BCKDHB: variants seen among roughly 807,000 people sequenced by gnomAD.
BCKDHB encodes the protein branched chain keto acid dehydrogenase E1 subunit beta.
BCKDHB carries 41 observed loss-of-function variants against 48.5 expected under a neutral mutation model. That is an observed-to-expected ratio of 0.85 (90% CI 0.66 to 1.10). BCKDHB has a LOEUF of 1.10. BCKDHB is among the 50% of genes least tolerant of loss of function. The pLI is 0.00. For synonymous variants in BCKDHB, 201 were observed against 174.8 expected (o/e 1.15, Z -1.18); for missense variants, 496 against 494.2 (o/e 1.00, Z -0.03).
intron 9 of BCKDHB, among the ~76,000 whole-genome samples, chr6:80,288,629 C>A (rs1006855199): frequency 6.6e-6 from 1 of 151,584 alleles, no homozygotes; most frequent in Non-Finnish European, 1.5e-5. Context: ...AGATACCCCT[C>A]CCCTGAGTGA....
At chr6:80,402,507 T>C in the BCKDHB span, among the ~76,000 whole-genome samples, 868 of 152,028 alleles carry the variant, frequency 5.7e-3, 9 homozygotes, top group African/African-American at 0.019. Context: ...ATTTTTAATA[T>C]TAACTCATCA....
At chr6:80,170,861 G>A (rs1467204231) in intron 5 of BCKDHB, among the ~76,000 whole-genome samples, 1 of 152,088 alleles carries the variant, frequency 6.6e-6, no homozygotes, top group Non-Finnish European at 1.5e-5. Context: ...AGAAGATTTT[G>A]ACATGTTAAA....
At chr6:80,228,336 A>T (rs1775767550) in intron 8 of BCKDHB, among the ~76,000 whole-genome samples, 1 of 152,214 alleles carries the variant, frequency 6.6e-6, no homozygotes, top group Non-Finnish European at 1.5e-5. Context: ...CTTGCTTTGC[A>T]TTTTTGCTTC....
At chr6:80,367,279 TTTAA>T in the BCKDHB span, among the ~76,000 whole-genome samples, 1 of 152,126 alleles carries the variant, frequency 6.6e-6, no homozygotes. Context: ...AAATAAAATT[TTTAA>T]TTATTAGAAT....
chr6:80,333,006 C>T (rs1769397794), intron 9 of BCKDHB, among the ~76,000 whole-genome samples: 1 of 152,022 alleles, frequency 6.6e-6, no homozygotes, highest in East Asian at 1.9e-4. Context: ...AATGACCGAC[C>T]CCCTAGCTCC....
intron 1 of BCKDHB, among the ~76,000 whole-genome samples, chr6:80,117,716 G>C (rs1313550190): frequency 6.6e-6 from 1 of 152,240 alleles, no homozygotes; most frequent in South Asian, 2.1e-4. Flanking sequence ...CAGATAGCTA[G>C]CCCAGCCCAT....
In BCKDHB at chr6:80,201,050, A is replaced by T; in HGVS notation, c.840+19A>T. 6.4e-7 allele frequency: 1 copy of T among 1,550,402 alleles called. No homozygotes were observed. On this transcript the variant is annotated intron_variant, in intron 7 of 9. Transcript: ENST00000320393. ...CACTCAGGTGAGTAGCATTGATCCC[A>T]ACTGTTAAAACCTACGTTGTGCTTG...
the BCKDHB span, among the ~76,000 whole-genome samples, chr6:80,365,298 A>T: frequency 6.6e-6 from 1 of 152,284 alleles, no homozygotes; most frequent in South Asian, 2.1e-4. Flanking sequence ...CAGTCTGACC[A>T]CAAATTTACC....
intron 6 of BCKDHB, among the ~76,000 whole-genome samples, chr6:80,194,258 C>A (rs77843436): frequency 0.014 from 2,181 of 152,002 alleles, 51 homozygotes; most frequent in African/African-American, 0.049. Flanking sequence ...ATTTTTATTT[C>A]GAAATAGTTC....
chr6:80,360,170 G>A, the BCKDHB span, among the ~76,000 whole-genome samples: 1 of 152,184 alleles, frequency 6.6e-6, no homozygotes, highest in Non-Finnish European at 1.5e-5. Context: ...CAGGCTTCAA[G>A]TACAAATTAC....
chr6:80,227,467 T>C (rs1775727095), intron 8 of BCKDHB, among the ~76,000 whole-genome samples: 1 of 152,204 alleles, frequency 6.6e-6, no homozygotes, highest in African/African-American at 2.4e-5. Context: ...TTTTGCTATG[T>C]TTTAAAAAAA....
the BCKDHB span, chr6:80,440,969 G>A: frequency 2.6e-5 from 4 of 152,134 alleles, no homozygotes; most frequent in African/African-American, 9.7e-5. Flanking sequence ...GTGGCTGGTG[G>A]TGAAAGCCAA....
intron 8 of BCKDHB, among the ~76,000 whole-genome samples, chr6:80,249,269 C>T (rs78882872): frequency 0.067 from 10,105 of 151,884 alleles, 1,139 homozygotes; most frequent in African/African-American, 0.23. Flanking sequence ...AAGTTCTTCT[C>T]TGAATTTATT....
the BCKDHB span, among the ~76,000 whole-genome samples, chr6:80,419,739 C>T: frequency 6.6e-6 from 1 of 152,322 alleles, no homozygotes; most frequent in South Asian, 2.1e-4. Flanking sequence ...GTTCAACTCA[C>T]CTCTTCCCCC....
chr6:80,324,566 G>C (rs1768934185), intron 9 of BCKDHB, among the ~76,000 whole-genome samples: 3 of 152,042 alleles, frequency 2.0e-5, no homozygotes, highest in Admixed American at 2.0e-4. Flanking sequence ...ATATATAGTA[G>C]TGAGTCTCAG....
chr6:80,456,781 T>A, the BCKDHB span, among the ~76,000 whole-genome samples: 1 of 152,174 alleles, frequency 6.6e-6, no homozygotes, highest in East Asian at 1.9e-4. Flanking sequence ...CCTTGAGGGA[T>A]TCTTATGCTC....
intron 9 of BCKDHB, among the ~76,000 whole-genome samples, chr6:80,289,713 C>T (rs653596): frequency 0.8 from 121,237 of 151,920 alleles, 48,558 homozygotes; most frequent in Admixed American, 0.87. Flanking sequence ...TACAGAACTC[C>T]GTGTCTCCCC....
At chr6:80,452,246 G>T in the BCKDHB span, among the ~76,000 whole-genome samples, 1 of 152,164 alleles carries the variant, frequency 6.6e-6, no homozygotes, top group African/African-American at 2.4e-5. Context: ...ATTTCAGTGG[G>T]GTAGAGATGT....
intron 9 of BCKDHB, chr6:80,307,429 CT>C: frequency 3.0e-6 from 3 of 985,142 alleles, no homozygotes; most frequent in Non-Finnish European, 2.4e-6. Context: ...CACCTGCCCC[CT>C]CTGTCAATAT....
Sources: allele counts gnomAD v4.1 joint callset (sites outside exome capture counted in the v4.1 genomes callset), GRCh38; gene constraint gnomAD v4.1.1; transcripts MANE v1.5; gene names NCBI Gene and HGNC (gene_info 2026-07-23, HGNC 2026-07-21).